CENPP: variants seen among roughly 807,000 people sequenced by gnomAD.
CENPP encodes centromere protein P.
A neutral mutation model predicts 35.6 loss-of-function variants in CENPP; 24 were observed. The observed-to-expected ratio is 0.67, with a 90% confidence interval of 0.49 to 0.95. The LOEUF is 0.95. CENPP is among the 40% of genes least tolerant of loss of function. The pLI, the probability that CENPP is intolerant of heterozygous loss-of-function variation, is 0.00. For synonymous variants in CENPP, 120 were observed against 125.5 expected, an observed-to-expected ratio of 0.96 and a Z score of 0.29; for missense variants, 332 against 345.3, an observed-to-expected ratio of 0.96 and a Z score of 0.31.
intron 5 of CENPP, among the ~76,000 whole-genome samples, chr9:92,407,116 G>A (rs112291618): frequency 6.6e-5 from 10 of 152,302 alleles, no homozygotes; most frequent in East Asian, 3.9e-4. Flanking sequence ...ATTGCCTTAC[G>A]TTGATATGTG....
chr9:92,527,183 AT>A, intron 5 of CENPP, among the ~76,000 whole-genome samples: 1 of 151,522 alleles, frequency 6.6e-6, no homozygotes. Context: ...TGATTTTTAT[AT>A]TTTTTTTGTA....
intron 5 of CENPP, chr9:92,465,129 C>T (rs1180587040): frequency 1.3e-5 from 11 of 815,584 alleles, no homozygotes; most frequent in Admixed American, 2.2e-5. Flanking sequence ...TCCCAAGAAG[C>T]GTGAGCTTCA....
chr9:92,576,900 G>T (rs1313132203), intron 5 of CENPP, among the ~76,000 whole-genome samples: 1 of 152,216 alleles, frequency 6.6e-6, no homozygotes, highest in Middle Eastern at 3.4e-3. Flanking sequence ...CAGACCGTTT[G>T]CACCAAAAAT....
chr9:92,494,008 C>T (rs1048706853), intron 5 of CENPP: 33 of 1,477,058 alleles, frequency 2.2e-5, no homozygotes, highest in South Asian at 2.0e-4. Context: ...GTGTGCTCGT[C>T]GCATTGTCAC....
At chr9:92,366,179 A>G (rs1371257170) in intron 4 of CENPP, among the ~76,000 whole-genome samples, 1 of 145,424 alleles carries the variant, frequency 6.9e-6, no homozygotes, top group Non-Finnish European at 1.5e-5. Context: ...CTCCGTCTCA[A>G]AAAAAAAAAA....
intron 5 of CENPP, among the ~76,000 whole-genome samples, chr9:92,390,436 G>C (rs750824175): frequency 1.3e-5 from 2 of 151,856 alleles, no homozygotes; most frequent in Non-Finnish European, 2.9e-5. Context: ...TTTTTTGCTG[G>C]CATGTTGCGT....
chr9:92,479,706 C>G (rs964263288), intron 5 of CENPP, among the ~76,000 whole-genome samples: 7 of 152,212 alleles, frequency 4.6e-5, no homozygotes, highest in Non-Finnish European at 7.3e-5. Flanking sequence ...TTCTGTTAGC[C>G]TTTTACAATT....
rs143449626 is a variant in CENPP at position 92,593,741 on chromosome 9, T to C, written c.565-17573T>C. Among the ~76,000 whole-genome samples, 5 of 152,364 alleles carry C rather than the reference T, an allele frequency of 3.3e-5. No homozygotes were observed. In the East Asian group the frequency reaches 9.6e-4, roughly 29 times the overall value. On this transcript the variant is annotated intron_variant, in intron 5 of 7. Coordinates refer to ENST00000375587, the MANE Select transcript of CENPP (RefSeq NM_001012267.3). This position sits in a 1 kb window ranked among gnomAD's most constrained non-coding sequence, Gnocchi z 4.1. ...GGCCAGACTACAAGGCGAGTGTTAT[T>C]TTGGGACCCAAATAAAAACTATAAG...
At chr9:92,371,870 G>GT (rs755831563) in intron 4 of CENPP, among the ~76,000 whole-genome samples, 702 of 138,950 alleles carry the variant, frequency 5.1e-3, no homozygotes, top group African/African-American at 0.012. Context: ...ATTTGTTGTT[G>GT]TTTTTTTTTT....
chr9:92,387,633 C>T (rs996174934), intron 5 of CENPP, among the ~76,000 whole-genome samples: 1 of 152,168 alleles, frequency 6.6e-6, no homozygotes, highest in Non-Finnish European at 1.5e-5. Context: ...CCTACCCTTC[C>T]ACCATGTGGG....
rs769265408 is a variant in CENPP at position 92,618,603 on chromosome 9, T to A, written c.*5454T>A. The stretch of plus-strand genomic sequence containing the variant: ...CCACCAGCTTAATCCAGTTAAGGAA[T>A]TCCTCATAACTTAGCCCTGTAGGTA... On this transcript the variant is annotated 3_prime_UTR_variant, in exon 8 of 8. Coordinates refer to ENST00000375587, the MANE Select transcript of CENPP (RefSeq NM_001012267.3). The A allele has an allele frequency of 6.6e-6, 3 of 456,234 alleles. No homozygotes were observed. The highest frequency in any genetic ancestry group is 1.3e-5 in the Non-Finnish European group (3 of 226,662). 28.3% of individuals were successfully genotyped at this position (456,234 alleles called of 1,614,324 possible).
chr9:92,479,810 T>TA (rs1293288697), intron 5 of CENPP, among the ~76,000 whole-genome samples: 1 of 152,206 alleles, frequency 6.6e-6, no homozygotes, highest in Admixed American at 6.5e-5. Context: ...TTTACACTCT[T>TA]TACCTGAGTC....
chr9:92,619,393 A>G lies in CENPP; in HGVS notation c.*6244A>G. ...TGTCACTCCGCCATGGAGTCTCTAA[A>G]TATGGGGAAACCAACTATCCTATTA... On this transcript the variant is annotated 3_prime_UTR_variant, in exon 8 of 8. Coordinates refer to ENST00000375587, the MANE Select transcript of CENPP (RefSeq NM_001012267.3). The G allele has an allele frequency of 9.7e-7, 1 of 1,033,476 alleles. No homozygotes were observed. The highest frequency in any genetic ancestry group is 1.5e-6 in the Non-Finnish European group (1 of 680,838). 64.0% of individuals were successfully genotyped at this position (1,033,476 alleles called of 1,614,324 possible).
At chr9:92,495,983 AAC>A (rs564453041) in intron 5 of CENPP, 2 of 992,916 alleles carry the variant, frequency 2.0e-6, no homozygotes, top group Non-Finnish European at 2.4e-6. Context: ...GTTCTCAGCT[AAC>A]ACCAGTATTC....
intron 5 of CENPP, among the ~76,000 whole-genome samples, chr9:92,446,846 CAG>C (rs1844564635): frequency 7.0e-6 from 1 of 142,928 alleles, no homozygotes; most frequent in Admixed American, 7.0e-5. Context: ...AAAAGAAAAA[CAG>C]AAAGAGAGTG....
chr9:92,512,139 G>A (rs1468939078), intron 5 of CENPP: 1 of 1,597,852 alleles, frequency 6.3e-7, no homozygotes. Context: ...AGGACACACA[G>A]CGGTTATGTT....
chr9:92,509,163 T>C (rs1847186752), intron 5 of CENPP, among the ~76,000 whole-genome samples: 1 of 151,882 alleles, frequency 6.6e-6, no homozygotes, highest in Non-Finnish European at 1.5e-5. Flanking sequence ...CACTAAAGGC[T>C]GTCAGAAAGC....
chr9:92,403,183 A>G, intron 5 of CENPP: 2 of 1,275,008 alleles, frequency 1.6e-6, no homozygotes, highest in Non-Finnish European at 2.2e-6. Context: ...AAAAACATGC[A>G]TTTAAATGGG....
At position 92,613,275 on chromosome 9, in the gene CENPP, T is replaced by C; in HGVS notation, c.*126T>C. 1 of 1,043,628 alleles carries C rather than the reference T, an allele frequency of 9.6e-7. No homozygotes were observed. Among genetic ancestry groups the C allele is most frequent in the Non-Finnish European group, 1.4e-6 (1 of 705,834 alleles). 64.6% of individuals were successfully genotyped at this position (1,043,628 alleles called of 1,614,324 possible). A position where few individuals can be genotyped will look rare whatever the true frequency, so the allele number is the denominator to read the frequency against. On this transcript the variant is annotated 3_prime_UTR_variant, in exon 8 of 8. Transcript: ENST00000375587. ...TGAAGACGTGCTGTCTATGCAGTTA[T>C]GGCACATTATATGGAAACTCTCATG...
Sources: allele counts gnomAD v4.1 joint callset (sites outside exome capture counted in the v4.1 genomes callset), GRCh38; gene constraint gnomAD v4.1.1; non-coding constraint Gnocchi (gnomAD v3.1); transcripts MANE v1.5; gene names NCBI Gene and HGNC (gene_info 2026-07-23, HGNC 2026-07-21).